ANKRD31: variants seen among roughly 807,000 people sequenced by gnomAD.
ANKRD31 encodes the protein ankyrin repeat domain-containing protein 31.
A neutral mutation model predicts 186.0 loss-of-function variants in ANKRD31; 147 were observed. The observed-to-expected ratio is 0.79, with a 90% confidence interval of 0.69 to 0.91. The LOEUF is 0.91. ANKRD31 is among the 40% of genes least tolerant of loss of function. The pLI, the probability that ANKRD31 is intolerant of heterozygous loss-of-function variation, is 0.00. For synonymous variants in ANKRD31, 673 were observed against 736.4 expected, an observed-to-expected ratio of 0.91 and a Z score of 1.39; for missense variants, 1,986 against 2,148.8, an observed-to-expected ratio of 0.92 and a Z score of 1.50.
At chr5:75,115,765 G>C (rs1222629080) in intron 19 of ANKRD31, among the ~76,000 whole-genome samples, 5 of 151,428 alleles carry the variant, frequency 3.3e-5, no homozygotes, top group Non-Finnish European at 4.4e-5. Flanking sequence ...AACAACAGGT[G>C]CTGGAGAGGA....
At chr5:75,113,562 C>T (rs950922184) in intron 19 of ANKRD31, among the ~76,000 whole-genome samples, 8 of 152,074 alleles carry the variant, frequency 5.3e-5, no homozygotes, top group African/African-American at 7.2e-5. Context: ...TTAATGATGA[C>T]GGATGGTTTG....
chr5:75,236,443 C>T, intron 1 of ANKRD31, 140 bp downstream of exon 1: 1 of 638,914 alleles, frequency 1.6e-6, no homozygotes, highest in Non-Finnish European at 2.6e-6. Flanking sequence ...AGCTCAGGCA[C>T]GGCTGCCCCA....
At chr5:75,186,249 C>A (rs1427512866) in intron 10 of ANKRD31, among the ~76,000 whole-genome samples, 1 of 152,080 alleles carries the variant, frequency 6.6e-6, no homozygotes, top group Non-Finnish European at 1.5e-5. Flanking sequence ...TGGAGGAAAT[C>A]TCCTTAAAAA....
At chr5:75,071,296 ATAATATT>A (rs1744205532) in intron 25 of ANKRD31, among the ~76,000 whole-genome samples, 1 of 148,346 alleles carries the variant, frequency 6.7e-6, no homozygotes, top group African/African-American at 2.4e-5. Flanking sequence ...TAATATTTTA[ATAATATT>A]TAATATTTAA....
rs560286599 is a variant in ANKRD31 at position 75,145,996 on chromosome 5, G to A, written c.3415C>T (p.His1139Tyr). 104 of 1,480,944 alleles carry A rather than the reference G, an allele frequency of 7.0e-5. No individual in the cohort carries two copies. The highest frequency in any genetic ancestry group is 8.8e-5 in the Non-Finnish European group (99 of 1,123,288). The allele number at this position is 1,480,944 out of a possible 1,614,324, so 91.7% of individuals were successfully genotyped here. The change falls in exon 14 of 26, where the codon CAC becomes TAC. Residue 1139 changes from histidine (H) to tyrosine (Y), a missense_variant. Physicochemically the swap from His to Tyr is moderately conservative, Grantham distance 83 (BLOSUM62 2). Coordinates refer to ENST00000506364, the MANE Select transcript of ANKRD31 (RefSeq NM_001372053.1). ...GCAATATTACTAATACCTGGTTTGTGAGAAATTTCCTTCTTTTCTCTTTGA... is the reference window on the plus strand; with the variant it reads ...GCAATATTACTAATACCTGGTTTGTAAGAAATTTCCTTCTTTTCTCTTTGA... ...LSQREKKEISHKPDEELTNNI... is the reference protein window; with the variant it reads ...LSQREKKEISYKPDEELTNNI...
intron 4 of ANKRD31, among the ~76,000 whole-genome samples, chr5:75,210,185 T>G (rs1006492170): frequency 1.3e-5 from 2 of 152,184 alleles, no homozygotes; most frequent in Non-Finnish European, 2.9e-5. Context: ...CTTTCTTTCT[T>G]GCTTTCGAGA....
At chr5:75,114,686 A>C (rs1748059477) in intron 19 of ANKRD31, among the ~76,000 whole-genome samples, 1 of 152,176 alleles carries the variant, frequency 6.6e-6, no homozygotes, top group South Asian at 2.1e-4. Flanking sequence ...AATACCTAGG[A>C]ATCCAACTTA....
chr5:75,112,596 T>C lies in ANKRD31; in HGVS notation c.4160A>G (p.Gln1387Arg). The change falls in exon 20 of 26, where the codon CAG (glutamine) becomes CGG (arginine). Residue 1387 changes from glutamine to arginine, a missense_variant. Physicochemically the swap from Gln to Arg is conservative, Grantham distance 43. Transcript: ENST00000506364. ...ATCTTGTAGAATGGCACTGAGGGTC[T>C]GATGCTATCAGATAAAAATATTTGA... Reference protein sequence around the residue: ...ERSRESLSVHQTLSAILQDIE... With the variant: ...ERSRESLSVHRTLSAILQDIE... The C allele has an allele frequency of 6.6e-7, 1 of 1,508,096 alleles. No homozygotes were observed. Among genetic ancestry groups the C allele is most frequent in the Non-Finnish European group, 8.9e-7 (1 of 1,129,670 alleles). 93.4% of individuals were successfully genotyped at this position (1,508,096 alleles called of 1,614,324 possible). A position where few individuals can be genotyped will look rare whatever the true frequency, so the allele number is the denominator to read the frequency against.
intron 7 of ANKRD31, among the ~76,000 whole-genome samples, chr5:75,195,103 C>G (rs999502287): frequency 1.3e-5 from 2 of 152,080 alleles, no homozygotes; most frequent in Non-Finnish European, 2.9e-5. Flanking sequence ...AAGAGCTATG[C>G]CACCTGATAG....
chr5:75,113,737 G>A (rs572894440), intron 19 of ANKRD31, among the ~76,000 whole-genome samples: 3 of 152,208 alleles, frequency 2.0e-5, no homozygotes, highest in African/African-American at 7.2e-5. Flanking sequence ...TGGTAAAACA[G>A]TCTTACTGCT....
chr5:75,111,730 T>C (rs1477757860), intron 20 of ANKRD31, among the ~76,000 whole-genome samples: 3 of 152,216 alleles, frequency 2.0e-5, no homozygotes, highest in Non-Finnish European at 4.4e-5. Context: ...TTGCATATAT[T>C]CACTGAAGTT....
rs540408676 is a variant in ANKRD31, at chr5:75,077,710, G to A, written c.5647+2858C>T. Among the ~76,000 whole-genome samples, 12 of 152,138 alleles carry A rather than the reference G, an allele frequency of 7.9e-5. No homozygotes were observed. The South Asian group carries it at 2.5e-3, about 32-fold the overall frequency. Reference sequence around the variant, plus strand: ...GGAGGCCGAGGTGGGCAGATCATGAGGTCAGGAGATCGAGACCATCCTGGC... The same window carrying A: ...GGAGGCCGAGGTGGGCAGATCATGAAGTCAGGAGATCGAGACCATCCTGGC... On this transcript the variant is annotated intron_variant, in intron 25 of 25. Transcript: ENST00000506364.
chr5:75,118,379 G>C, intron 17 of ANKRD31, 82 bp from the exon 18 acceptor site: 1 of 1,178,722 alleles, frequency 8.5e-7, no homozygotes, highest in Non-Finnish European at 1.1e-6. Flanking sequence ...CCACTGCCAA[G>C]CATTAAAAGC....
rs1753666783 is a variant in ANKRD31 at position 75,174,928 on chromosome 5, A to C, written c.1565-5807T>G. On this transcript the variant is annotated intron_variant, in intron 10 of 25. Coordinates refer to ENST00000506364, the MANE Select transcript of ANKRD31 (RefSeq NM_001372053.1). ...CATGCTACTATAAAGACACATGCACATGTATGTTTTTTGTGGCACTATTCA... is the reference window on the plus strand; with the variant it reads ...CATGCTACTATAAAGACACATGCACCTGTATGTTTTTTGTGGCACTATTCA... Among the ~76,000 whole-genome samples, 5 of 152,330 alleles carry C rather than the reference A, an allele frequency of 3.3e-5. No individual in the cohort carries two copies. In the South Asian group the frequency reaches 1.0e-3, roughly 32 times the overall value.
chr5:75,146,641 CA>C lies in ANKRD31; in HGVS notation c.2769del (p.Gly924AlafsTer11), dbSNP rs868494927. 13 of 1,535,078 alleles carry C rather than the reference CA, an allele frequency of 8.5e-6. No individual in the cohort carries two copies. In the African/African-American group the frequency reaches 1.5e-4, roughly 18 times the overall value. On this transcript the variant is annotated frameshift_variant, in exon 14 of 26. Coordinates refer to ENST00000506364, the MANE Select transcript of ANKRD31 (RefSeq NM_001372053.1). LOFTEE classifies it high-confidence loss of function. ...TCCTTAAAATTATAGTGTTTTTTGC[CA>C]CCTGTAGAACACAACACCTTTTTAG... ...ITSKKVLCSTGGKKHYNFKEN... is the reference protein window; with the variant it reads ...ITSKKVLCSTXGKKHYNFKEN...
intron 10 of ANKRD31, among the ~76,000 whole-genome samples, chr5:75,178,244 G>C (rs1753981389): frequency 6.6e-6 from 1 of 152,156 alleles, no homozygotes; most frequent in African/African-American, 2.4e-5. Context: ...CAATTCCTTA[G>C]TGACCTACAA....
rs1277186417 is a variant in ANKRD31, at chr5:75,196,176, G to A, written c.472C>T (p.Pro158Ser). Residue 158 changes from proline to serine, a missense_variant, in exon 7 of 26, where the codon CCT (proline) becomes TCT (serine). Coordinates refer to ENST00000506364, the MANE Select transcript of ANKRD31 (RefSeq NM_001372053.1). ...EKELSEGRDS[P>S]EVSLLSGTAI... Reference sequence around the variant, plus strand: ...GTGCCTGAGAGAAGGCTAACTTCAGGAGAATCTCTGCCTTCACTTAGTTCC... The same window carrying A: ...GTGCCTGAGAGAAGGCTAACTTCAGAAGAATCTCTGCCTTCACTTAGTTCC... The A allele has an allele frequency of 4.0e-6, 6 of 1,484,450 alleles. No homozygotes were observed. In the East Asian group the frequency reaches 9.9e-5, roughly 24 times the overall value. 92.0% of individuals were successfully genotyped at this position (1,484,450 alleles called of 1,614,324 possible).
At chr5:75,162,360 C>T (rs1752626024) in intron 11 of ANKRD31, among the ~76,000 whole-genome samples, 1 of 152,094 alleles carries the variant, frequency 6.6e-6, no homozygotes, top group Admixed American at 6.6e-5. Flanking sequence ...GCCTGTAGCC[C>T]CTTCATTTTG....
intron 10 of ANKRD31, among the ~76,000 whole-genome samples, chr5:75,182,724 A>G (rs972257880): frequency 6.6e-6 from 1 of 152,084 alleles, no homozygotes; most frequent in East Asian, 1.9e-4. Flanking sequence ...CAACTTAAAA[A>G]AAAAAAAAAA....
Sources: allele counts gnomAD v4.1 joint callset (sites outside exome capture counted in the v4.1 genomes callset), GRCh38; gene constraint gnomAD v4.1.1; transcripts MANE v1.5; gene names NCBI Gene and HGNC (gene_info 2026-07-23, HGNC 2026-07-21).